The following SMYD3 variants were observed in gnomAD, a reference collection of about 807,000 sequenced individuals.
SMYD3 encodes histone-lysine N-methyltransferase SMYD3.
In SMYD3, 36 loss-of-function variants were observed where a neutral mutation model predicts 57.7. The ratio of observed to expected loss-of-function variants is 0.62; its 90% CI spans 0.48 to 0.82. The LOEUF is 0.82. Among genes scored for constraint, SMYD3 ranks in the 40% least tolerant of loss-of-function variants. SMYD3 has a pLI of 0.00. For missense variants in SMYD3, 515 were observed against 538.8 expected, an observed-to-expected ratio of 0.96 and a Z score of 0.44; for synonymous variants, 211 against 195.0, an observed-to-expected ratio of 1.08 and a Z score of -0.68.
intron 5 of SMYD3, among the ~76,000 whole-genome samples, chr1:245,999,792 T>C (rs1270276043): frequency 1.3e-5 from 2 of 152,242 alleles, no homozygotes; most frequent in Non-Finnish European, 2.9e-5. Context: ...CTCACCCAAG[T>C]CTCTCCCAGA....
intron 5 of SMYD3, among the ~76,000 whole-genome samples, chr1:246,054,718 G>A (rs998320970): frequency 6.6e-6 from 1 of 152,030 alleles, no homozygotes; most frequent in Non-Finnish European, 1.5e-5. Flanking sequence ...CTGGGGGTGG[G>A]TGAGGGATAG....
At chr1:246,306,005 C>T (rs1259059576) in intron 5 of SMYD3, 1 of 152,002 alleles carries the variant, frequency 6.6e-6, no homozygotes, top group African/African-American at 2.4e-5. Flanking sequence ...CTTGGTGGCA[C>T]CACAAAATAT....
chr1:246,009,547 A>G (rs1324399057), intron 5 of SMYD3, among the ~76,000 whole-genome samples: 1 of 152,120 alleles, frequency 6.6e-6, no homozygotes, highest in East Asian at 1.9e-4. Context: ...AAAGGGTAAC[A>G]ACGCAAAAGG....
chr1:246,230,430 A>T (rs2148446140), intron 5 of SMYD3, among the ~76,000 whole-genome samples: 1 of 152,336 alleles, frequency 6.6e-6, no homozygotes, highest in Non-Finnish European at 1.5e-5. Flanking sequence ...CAACGTAAGG[A>T]AAATGGGAAA....
chr1:246,052,754 T>C (rs974704115), intron 5 of SMYD3: 15 of 152,372 alleles, frequency 9.8e-5, no homozygotes, highest in African/African-American at 3.4e-4. Context: ...CAACATTTGT[T>C]GGCTCTGTAA....
At chr1:246,273,085 TCCTATAATCC>T (rs1474622743) in intron 5 of SMYD3, among the ~76,000 whole-genome samples, 3,232 of 150,316 alleles carry the variant, frequency 0.022, 121 homozygotes, top group African/African-American at 0.075. Flanking sequence ...CCTAATGCCC[TCCTATAATCC>T]TTTTTCATTC....
At chr1:246,056,072 T>A (rs2060146097) in intron 5 of SMYD3, among the ~76,000 whole-genome samples, 1 of 152,168 alleles carries the variant, frequency 6.6e-6, no homozygotes, top group South Asian at 2.1e-4. Flanking sequence ...CACAGAAATA[T>A]TTTGGAAGTA....
chr1:245,979,631 C>T (rs1238515094), intron 5 of SMYD3, among the ~76,000 whole-genome samples: 1 of 152,152 alleles, frequency 6.6e-6, no homozygotes, highest in African/African-American at 2.4e-5. Flanking sequence ...GGAGCTCACC[C>T]TGCCCACACG....
chr1:246,062,818 G>A (rs949429060), intron 5 of SMYD3, among the ~76,000 whole-genome samples: 9 of 152,058 alleles, frequency 5.9e-5, no homozygotes, highest in South Asian at 4.1e-4. Flanking sequence ...ATTAATGAGC[G>A]AAGGTATGTT....
At chr1:246,262,205 T>C (rs1365763549) in intron 5 of SMYD3, among the ~76,000 whole-genome samples, 1 of 152,212 alleles carries the variant, frequency 6.6e-6, no homozygotes. Context: ...TGTGTTTTCT[T>C]TGTAGAGTCC....
chr1:245,772,450 G>A (rs2046375322), intron 10 of SMYD3, among the ~76,000 whole-genome samples: 2 of 152,110 alleles, frequency 1.3e-5, no homozygotes. Context: ...AGGAGTTCAA[G>A]TGCAGCCTGG....
intron 5 of SMYD3, among the ~76,000 whole-genome samples, chr1:246,226,982 T>C (rs964007728): frequency 1.4e-4 from 21 of 152,122 alleles, no homozygotes; most frequent in African/African-American, 5.1e-4. Flanking sequence ...GATGAGGTTA[T>C]TTATTCTCCC....
chr1:246,307,309 TCA>T (rs1233913543), intron 5 of SMYD3, among the ~76,000 whole-genome samples: 2 of 151,642 alleles, frequency 1.3e-5, no homozygotes, highest in Admixed American at 6.6e-5. Context: ...AAAATCCTTC[TCA>T]GTTTATTCTG....
At chr1:246,043,521 T>A (rs1030548356) in intron 5 of SMYD3, among the ~76,000 whole-genome samples, 1 of 152,164 alleles carries the variant, frequency 6.6e-6, no homozygotes, top group Non-Finnish European at 1.5e-5. Context: ...AATAACCCAA[T>A]GGGACATGAG....
intron 1 of SMYD3, among the ~76,000 whole-genome samples, chr1:246,385,928 G>A (rs998831117): frequency 2.7e-5 from 4 of 150,764 alleles, no homozygotes; most frequent in South Asian, 2.1e-4. Flanking sequence ...CCACTCTTTC[G>A]CCCAGGCTGG....
At chr1:245,853,579 T>G (rs1214630397) in intron 10 of SMYD3, among the ~76,000 whole-genome samples, 1 of 152,216 alleles carries the variant, frequency 6.6e-6, no homozygotes, top group Non-Finnish European at 1.5e-5. Flanking sequence ...TGCAGACTCC[T>G]GTACCAGAAT....
chr1:245,900,408 T>A (rs2054107113), intron 8 of SMYD3, among the ~76,000 whole-genome samples: 1 of 152,202 alleles, frequency 6.6e-6, no homozygotes, highest in African/African-American at 2.4e-5. Flanking sequence ...TGCCTCTTAT[T>A]ACCCCATCTT....
At chr1:246,348,060 T>TATATATATATATATATATATATA (rs1173574600) in intron 2 of SMYD3, among the ~76,000 whole-genome samples, 8 of 83,006 alleles carry the variant, frequency 9.6e-5, no homozygotes, top group East Asian at 4.9e-4. Context: ...AAAGAAAACG[T>TATATATATATATATATATATATA]TATATATATA....
intron 1 of SMYD3, among the ~76,000 whole-genome samples, chr1:246,461,697 G>T (rs552908890): frequency 7.0e-6 from 1 of 142,936 alleles, no homozygotes; most frequent in African/African-American, 2.6e-5. Context: ...TTGCGCCACT[G>T]CACTCCAGCC....
Sources: allele counts gnomAD v4.1 joint callset (sites outside exome capture counted in the v4.1 genomes callset), GRCh38; gene constraint gnomAD v4.1.1; transcripts MANE v1.5; gene names NCBI Gene and HGNC (gene_info 2026-07-23, HGNC 2026-07-21).